OSBPL5: variants seen among roughly 807,000 people sequenced by gnomAD.
The protein encoded by OSBPL5 is oxysterol binding protein like 5.
In OSBPL5, 71 loss-of-function variants were observed where a neutral mutation model predicts 111.2. That is an observed-to-expected ratio of 0.64 (90% CI 0.53 to 0.78). The LOEUF (loss-of-function observed/expected upper bound fraction) is 0.78, where lower values mean the gene tolerates loss of function less well. OSBPL5 is among the 30% of genes least tolerant of loss of function. The probability of loss-of-function intolerance (pLI) is 0.00; values close to 1 mark genes in which losing one functional copy is unlikely to be tolerated. For synonymous variants in OSBPL5, 549 were observed against 513.9 expected (o/e 1.07, Z -0.93); for missense variants, 1,210 against 1,189.3 (o/e 1.02, Z -0.26).
At chr11:3,147,518 C>A (rs1164607632) in intron 1 of OSBPL5, among the ~76,000 whole-genome samples, 1 of 152,250 alleles carries the variant, frequency 6.6e-6, no homozygotes, top group Non-Finnish European at 1.5e-5. Flanking sequence ...GCAGGCCCAG[C>A]TGGGACGGAG....
intron 1 of OSBPL5, among the ~76,000 whole-genome samples, chr11:3,132,811 C>T (rs1235025965): frequency 6.6e-6 from 1 of 152,238 alleles, no homozygotes; most frequent in Non-Finnish European, 1.5e-5. Flanking sequence ...ACACTTCTCC[C>T]ACCAGATGCA....
intron 19 of OSBPL5, among the ~76,000 whole-genome samples, chr11:3,091,963 C>T (rs1472568811): frequency 6.6e-6 from 1 of 152,136 alleles, no homozygotes; most frequent in Non-Finnish European, 1.5e-5. Context: ...CACCTGGTGG[C>T]CGCCTAAGGC....
In OSBPL5 at chr11:3,142,348, A is replaced by G. The variant is rs1246084906; in HGVS notation, c.-21-13179T>C. Reference sequence around the variant, plus strand: ...GGCTGCCCACAGCTGGGGGAGTGCAATGCCCAGATGGTCCAAGAGAACACT... The same window carrying G: ...GGCTGCCCACAGCTGGGGGAGTGCAGTGCCCAGATGGTCCAAGAGAACACT... On this transcript the variant is annotated intron_variant, in intron 1 of 21. Transcript: ENST00000263650. The surrounding 1 kb of genome is among the most constrained non-coding windows in gnomAD (Gnocchi z 7.1). Among the ~76,000 whole-genome samples the G allele has an allele frequency of 6.6e-6, 1 of 152,150 alleles. No individual in the cohort carries two copies. The highest frequency in any genetic ancestry group is 1.5e-5 in the Non-Finnish European group (1 of 68,012).
intron 1 of OSBPL5, among the ~76,000 whole-genome samples, chr11:3,160,044 G>T (rs1846908130): frequency 6.6e-6 from 1 of 152,074 alleles, no homozygotes; most frequent in Non-Finnish European, 1.5e-5. Context: ...CCCCCTCCCT[G>T]CCCTGGCCCC....
rs571834740 is a variant in OSBPL5, at chr11:3,104,023, A to T, written c.1244+170T>A. 6.6e-6 allele frequency among the ~76,000 whole-genome samples: 1 copy of T among 152,274 alleles called. No individual in the cohort carries two copies. Among genetic ancestry groups the T allele is most frequent in the Middle Eastern group, 3.4e-3 (1 of 294 alleles). ...CGGATGGCTGGCTCCTCCCAGGCCCATCTTGGAGACAGGGCCCCCTGGGAG... is the reference window on the plus strand; with the variant it reads ...CGGATGGCTGGCTCCTCCCAGGCCCTTCTTGGAGACAGGGCCCCCTGGGAG... On this transcript the variant is annotated intron_variant, in intron 10 of 21. Coordinates refer to ENST00000263650, the MANE Select transcript of OSBPL5 (RefSeq NM_020896.4). This position sits in a 1 kb window ranked among gnomAD's most constrained non-coding sequence, Gnocchi z 5.0.
chr11:3,103,600 A>G (rs962110352), intron 10 of OSBPL5, among the ~76,000 whole-genome samples: 2 of 151,868 alleles, frequency 1.3e-5, no homozygotes, highest in African/African-American at 2.4e-5. Flanking sequence ...CTCCCTGCCC[A>G]TGCTCTTGTT....
chr11:3,112,421 T>C (rs1189510986), intron 7 of OSBPL5, among the ~76,000 whole-genome samples: 2 of 152,072 alleles, frequency 1.3e-5, no homozygotes, highest in Non-Finnish European at 2.9e-5. Flanking sequence ...GACAAGTTTG[T>C]CTCAGCTCTT....
chr11:3,112,063 ATGTGTGTGTGCATG>A (rs1372791634), intron 7 of OSBPL5, among the ~76,000 whole-genome samples: 8 of 27,696 alleles, frequency 2.9e-4, no homozygotes, highest in African/African-American at 9.1e-4. Flanking sequence ...GTGCATGTGT[ATGTGTGTGTGCATG>A]TGTGTGTGCA....
At position 3,101,467 on chromosome 11, in the gene OSBPL5, A is replaced by G. The variant is rs1857452212; in HGVS notation, c.1522+136T>C. On this transcript the variant is annotated intron_variant, in intron 13 of 21. Coordinates refer to ENST00000263650, the MANE Select transcript of OSBPL5 (RefSeq NM_020896.4). ...CCGGGTCTCAGCACCTGACCACCAC[A>G]TGGTCTCTGACTAGGAGGGGTTGGG... 7 of 802,964 alleles carry G rather than the reference A, an allele frequency of 8.7e-6. No homozygotes were observed. The Admixed American group carries it at 1.0e-4, about 12-fold the overall frequency. The allele number at this position is 802,964 out of a possible 1,614,324, so 49.7% of individuals were successfully genotyped here.
intron 14 of OSBPL5, 147 bp downstream of exon 14, chr11:3,100,011 T>G: frequency 1.7e-6 from 1 of 598,616 alleles, no homozygotes; most frequent in Non-Finnish European, 2.7e-6. Flanking sequence ...AGAGCGAAAC[T>G]CCATCTCAAA....
intron 12 of OSBPL5, 70 bp downstream of exon 12, chr11:3,102,113 G>T: frequency 6.7e-7 from 1 of 1,483,734 alleles, no homozygotes. Flanking sequence ...TGCTGCCAGG[G>T]CCCCGCCCCC....
intron 7 of OSBPL5, 84 bp downstream of exon 7, chr11:3,119,463 C>T: frequency 7.3e-7 from 1 of 1,371,314 alleles, no homozygotes; most frequent in Non-Finnish European, 9.7e-7. Context: ...GAACTGGGGC[C>T]ACCTGTACCT....
At position 3,088,072 on chromosome 11, in the gene OSBPL5, C is replaced by T; in HGVS notation, c.*133G>A. ...CCGCAGCGCCTTGTGGCCCCGGGTCCCTCCTGCGCCTGGACTCCCCGTCAC... is the reference window on the plus strand; with the variant it reads ...CCGCAGCGCCTTGTGGCCCCGGGTCTCTCCTGCGCCTGGACTCCCCGTCAC... On this transcript the variant is annotated 3_prime_UTR_variant, in exon 22 of 22. Coordinates refer to ENST00000263650, the MANE Select transcript of OSBPL5 (RefSeq NM_020896.4). 1.2e-6 allele frequency: 1 copy of T among 866,554 alleles called. No individual in the cohort carries two copies. Among genetic ancestry groups the T allele is most frequent in the Non-Finnish European group, 1.6e-6 (1 of 610,026 alleles). 53.7% of individuals were successfully genotyped at this position (866,554 alleles called of 1,614,324 possible).
In OSBPL5 at chr11:3,130,722, C is replaced by G. The variant is rs188569782; in HGVS notation, c.-21-1553G>C. ...ATGCCGTCCTTAAGCCAGGTGGAAC[C>G]GATCCTAAAACCCAGCCGCTGAGTG... On this transcript the variant is annotated intron_variant, in intron 1 of 21. Coordinates refer to ENST00000263650, the MANE Select transcript of OSBPL5 (RefSeq NM_020896.4). This position sits in a 1 kb window ranked among gnomAD's most constrained non-coding sequence, Gnocchi z 4.5. Among the ~76,000 whole-genome samples the G allele has an allele frequency of 3.3e-5, 5 of 152,192 alleles. No individual in the cohort carries two copies. The highest frequency in any genetic ancestry group is 1.2e-4 in the African/African-American group (5 of 41,414).
In OSBPL5 at chr11:3,130,505, C is replaced by A. The variant is rs995778166; in HGVS notation, c.-21-1336G>T. Among the ~76,000 whole-genome samples the A allele has an allele frequency of 4.6e-5, 7 of 152,222 alleles. No homozygotes were observed. The highest frequency in any genetic ancestry group is 1.0e-4 in the Non-Finnish European group (7 of 68,038). On this transcript the variant is annotated intron_variant, in intron 1 of 21. Coordinates refer to ENST00000263650, the MANE Select transcript of OSBPL5 (RefSeq NM_020896.4). The surrounding 1 kb of genome is among the most constrained non-coding windows in gnomAD (Gnocchi z 4.5). ...GGTCCTGGGGGCTTCTGTCCACCAC[C>A]CCAGAGCCCCCTCTGTGCCCCCAGT...
Position 3,104,165 on chromosome 11 carries a change from G to A in OSBPL5, c.1244+28C>T, listed in dbSNP as rs780476156. 17 of 1,585,036 alleles carry A rather than the reference G, an allele frequency of 1.1e-5. No individual in the cohort carries two copies. The highest frequency in any genetic ancestry group is 1.5e-5 in the Non-Finnish European group (17 of 1,160,452). On this transcript the variant is annotated intron_variant, in intron 10 of 21. Coordinates refer to ENST00000263650, the MANE Select transcript of OSBPL5 (RefSeq NM_020896.4). This position sits in a 1 kb window ranked among gnomAD's most constrained non-coding sequence, Gnocchi z 5.0. Reference sequence around the variant, plus strand: ...CTCATGCAGATGCAGGACGAGGTGTGGGGTGCCCCTCCCGGCATGGCGCGC... The same window carrying A: ...CTCATGCAGATGCAGGACGAGGTGTAGGGTGCCCCTCCCGGCATGGCGCGC...
chr11:3,102,307 G>A (rs764054388), intron 11 of OSBPL5, 26 bp from the exon 12 acceptor site: 1 of 1,568,568 alleles, frequency 6.4e-7, no homozygotes, highest in Non-Finnish European at 8.7e-7. Context: ...ACTTGTGTGA[G>A]GAGCCAGGTG....
chr11:3,135,300 G>A (rs574271777), intron 1 of OSBPL5, among the ~76,000 whole-genome samples: 5 of 152,342 alleles, frequency 3.3e-5, no homozygotes, highest in Admixed American at 6.5e-5. Flanking sequence ...GTTGGGCGGG[G>A]CACACACAGG....
In OSBPL5 at chr11:3,103,760, T is replaced by TGC. The variant is rs1564829880; in HGVS notation, c.1244+431_1244+432dup. Among the ~76,000 whole-genome samples the TGC allele has an allele frequency of 2.8e-3, 79 of 27,724 alleles. 2 individuals are homozygous for TGC. Among genetic ancestry groups the TGC allele is most frequent in the South Asian group, 0.022 (17 of 776 alleles). 18.2% of individuals were successfully genotyped at this position (27,724 alleles called of 152,430 possible). A position where few individuals can be genotyped will look rare whatever the true frequency, so the allele number is the denominator to read the frequency against. ...TGCCTCTGCAACCCTCTTCCAGCTCTGCAGCCCCCTTCCAGCCTCTGCAGT... is the reference window on the plus strand; with the variant it reads ...TGCCTCTGCAACCCTCTTCCAGCTCTGCGCAGCCCCCTTCCAGCCTCTGCAGT... On this transcript the variant is annotated intron_variant, in intron 10 of 21. Coordinates refer to ENST00000263650, the MANE Select transcript of OSBPL5 (RefSeq NM_020896.4).
Sources: gnomAD v4.1 joint callset for allele counts (sites outside exome capture counted in the v4.1 genomes callset) on GRCh38, gnomAD v4.1.1 for gene constraint, Gnocchi (gnomAD v3.1) non-coding constraint, MANE v1.5 for transcripts, NCBI Gene and HGNC (gene_info 2026-07-23, HGNC 2026-07-21) for gene names.